Variants in DAB1 observed in about 807,000 individuals in gnomAD.
DAB1 encodes DAB adaptor protein 1.
In DAB1, 15 loss-of-function variants were observed where a neutral mutation model predicts 64.6. The observed-to-expected ratio is 0.23, with a 90% CI of 0.16 to 0.36. The LOEUF is 0.36. DAB1 is among the 10% of genes least tolerant of loss of function. The probability of loss-of-function intolerance (pLI) is 1.00; values close to 1 mark genes in which losing one functional copy is unlikely to be tolerated. For synonymous variants in DAB1, 235 were observed against 251.9 expected, an observed-to-expected ratio of 0.93 and a Z score of 0.64; for missense variants, 596 against 706.7, an observed-to-expected ratio of 0.84 and a Z score of 1.78.
At chr1:58,021,248 G>A (rs983174639) in intron 5 of DAB1, among the ~76,000 whole-genome samples, 1 of 152,222 alleles carries the variant, frequency 6.6e-6, no homozygotes, top group Admixed American at 6.5e-5. Flanking sequence ...TGGGCGTCAT[G>A]CACTGGGCAT....
intron 12 of DAB1, among the ~76,000 whole-genome samples, chr1:57,012,786 A>G (rs1031314110): frequency 1.3e-5 from 2 of 152,204 alleles, no homozygotes; most frequent in Non-Finnish European, 2.9e-5. Context: ...TAGATCCTGA[A>G]TTGTATTTGA....
chr1:58,276,713 T>A (rs1005519074), intron 4 of DAB1, among the ~76,000 whole-genome samples: 1 of 152,224 alleles, frequency 6.6e-6, no homozygotes, highest in Non-Finnish European at 1.5e-5. Context: ...AAAACCATCA[T>A]GTCTCAATGA....
intron 2 of DAB1, among the ~76,000 whole-genome samples, chr1:57,280,541 T>C (rs914716816): frequency 1.3e-5 from 2 of 152,198 alleles, no homozygotes; most frequent in Non-Finnish European, 2.9e-5. Flanking sequence ...TATCAAGGAC[T>C]CAGAGGGCTA....
At chr1:58,441,775 A>C (rs1176595281) in intron 3 of DAB1, among the ~76,000 whole-genome samples, 1 of 152,180 alleles carries the variant, frequency 6.6e-6, no homozygotes, top group Non-Finnish European at 1.5e-5. Flanking sequence ...CTTCTGATTA[A>C]GCAGGACTGA....
chr1:57,697,970 A>G (rs952641301), intron 6 of DAB1, among the ~76,000 whole-genome samples: 1 of 151,982 alleles, frequency 6.6e-6, no homozygotes, highest in Non-Finnish European at 1.5e-5. Flanking sequence ...TTTCCTCTCA[A>G]CTAATTTTCA....
rs768967493 is a variant in DAB1, at chr1:58,089,232, C to T, written n.387+61279G>A. ...TCTTACTGTAATTTTTGGGGGAAGA[C>T]GTTAATTTCTCTGAGTCTTAGCATC... is the stretch of plus-strand genomic sequence containing the variant. On this transcript the variant is annotated intron_variant and non_coding_transcript_variant, in intron 5 of 20. Coordinates refer to the DAB1 transcript ENST00000485760. Among the ~76,000 whole-genome samples the T allele has an allele frequency of 2.0e-5, 3 of 152,204 alleles. No homozygotes were observed. The East Asian group carries it at 5.8e-4, about 29-fold the overall frequency.
chr1:58,075,253 G>T (rs1649567276), intron 5 of DAB1, among the ~76,000 whole-genome samples: 1 of 152,220 alleles, frequency 6.6e-6, no homozygotes, highest in South Asian at 2.1e-4. Context: ...GGGCATGGTA[G>T]TTAGTAAAGT....
intron 1 of DAB1, among the ~76,000 whole-genome samples, chr1:57,306,435 C>T (rs1674179496): frequency 6.6e-6 from 1 of 151,524 alleles, no homozygotes; most frequent in Non-Finnish European, 1.5e-5. Context: ...GAAATCCCCA[C>T]AATACTATTT....
At chr1:57,066,964 A>G (rs1450687072) in intron 8 of DAB1, among the ~76,000 whole-genome samples, 1 of 152,172 alleles carries the variant, frequency 6.6e-6, no homozygotes, top group Admixed American at 6.5e-5. Flanking sequence ...TGAAGTACTA[A>G]CAAACACTGC....
chr1:57,949,592 C>A (rs992862609), intron 5 of DAB1, among the ~76,000 whole-genome samples: 62 of 151,732 alleles, frequency 4.1e-4, no homozygotes, highest in Admixed American at 4.1e-3. Context: ...GCACATATTT[C>A]TAAAGAATAC....
chr1:57,468,531 G>C (rs753916417), intron 7 of DAB1, among the ~76,000 whole-genome samples: 2 of 152,196 alleles, frequency 1.3e-5, no homozygotes, highest in African/African-American at 4.8e-5. Flanking sequence ...GGTGATCTCA[G>C]TATCTTACAG....
rs1440123395 is a variant in DAB1, at chr1:58,387,726, T to C, written n.258-44323A>G. 2.0e-3 allele frequency among the ~76,000 whole-genome samples: 263 copies of C among 134,368 alleles called. 3 individuals are homozygous for C. Among genetic ancestry groups the C allele is most frequent in the Non-Finnish European group, 3.4e-3 (210 of 62,556 alleles). 88.2% of individuals were successfully genotyped at this position (134,368 alleles called of 152,430 possible). On this transcript the variant is annotated intron_variant and non_coding_transcript_variant, in intron 3 of 20. Coordinates refer to the DAB1 transcript ENST00000485760. ...CATCTTTTTTTCTTTTCTTTTCTTT[T>C]TTTTTTTTTTTTTTTTGAGACAGAG...
At chr1:58,424,636 G>A (rs1350461058) in intron 3 of DAB1, among the ~76,000 whole-genome samples, 2 of 152,172 alleles carry the variant, frequency 1.3e-5, no homozygotes, top group Non-Finnish European at 2.9e-5. Flanking sequence ...TGAACCCTAG[G>A]CGATACAGGG....
intron 7 of DAB1, among the ~76,000 whole-genome samples, chr1:57,569,558 G>A (rs1444297873): frequency 2.6e-5 from 4 of 151,848 alleles, no homozygotes; most frequent in East Asian, 3.9e-4. Context: ...GAGAACACTC[G>A]GACACAGGAA....
At chr1:58,144,882 C>T (rs539812619) in intron 5 of DAB1, among the ~76,000 whole-genome samples, 1 of 152,320 alleles carries the variant, frequency 6.6e-6, no homozygotes, top group South Asian at 2.1e-4. Flanking sequence ...TCCAGTCTGT[C>T]TCCTAGGCAG....
At chr1:58,025,296 T>A (rs2100463364) in intron 5 of DAB1, among the ~76,000 whole-genome samples, 1 of 151,974 alleles carries the variant, frequency 6.6e-6, no homozygotes, top group East Asian at 1.9e-4. Context: ...AAACATCAAT[T>A]CCCAGCCCTG....
chr1:57,081,878 A>G (rs971719878), intron 4 of DAB1, among the ~76,000 whole-genome samples: 8 of 152,366 alleles, frequency 5.3e-5, no homozygotes, highest in African/African-American at 1.9e-4. Context: ...TTGCTATTAA[A>G]AAAACAAGAT....
intron 1 of DAB1, among the ~76,000 whole-genome samples, chr1:57,423,697 A>G (rs950160198): frequency 3.3e-5 from 5 of 152,078 alleles, no homozygotes; most frequent in Non-Finnish European, 7.4e-5. Flanking sequence ...GGGGCAGGAC[A>G]GAGAAAGAGA....
chr1:58,175,113 T>A (rs760993793), intron 4 of DAB1, among the ~76,000 whole-genome samples: 9 of 152,294 alleles, frequency 5.9e-5, no homozygotes, highest in African/African-American at 2.2e-4. Context: ...TCACAATAAA[T>A]CTTGCTGCTG....
Sources: gnomAD v4.1 joint callset for allele counts (sites outside exome capture counted in the v4.1 genomes callset) on GRCh38, gnomAD v4.1.1 for gene constraint, MANE v1.5 for transcripts, NCBI Gene and HGNC (gene_info 2026-07-23, HGNC 2026-07-21) for gene names.